DSCAML1: variants seen among roughly 807,000 people sequenced by gnomAD.
DSCAML1 encodes DS cell adhesion molecule like 1, also known as cell adhesion molecule DSCAML1.
DSCAML1 carries 38 observed loss-of-function variants against 200.5 expected under a neutral mutation model. The ratio of observed to expected loss-of-function variants is 0.19; its 90% CI spans 0.15 to 0.25. The LOEUF is 0.25. DSCAML1 is among the 10% of genes least tolerant of loss of function. The pLI is 1.00. For missense variants in DSCAML1, 2,223 were observed against 2,858.8 expected, an observed-to-expected ratio of 0.78 and a Z score of 5.07; for synonymous variants, 1,215 against 1,165.0, an observed-to-expected ratio of 1.04 and a Z score of -0.87.
chr11:117,520,791 A>ATGGTGC (rs2049871286), intron 6 of DSCAML1, among the ~76,000 whole-genome samples: 1 of 151,946 alleles, frequency 6.6e-6, no homozygotes, highest in Non-Finnish European at 1.5e-5. Flanking sequence ...AGCATGGTGC[A>ATGGTGC]AGATGGTCCC....
At chr11:117,700,976 C>T (rs1320688069) in intron 3 of DSCAML1, among the ~76,000 whole-genome samples, 1 of 152,132 alleles carries the variant, frequency 6.6e-6, no homozygotes, top group African/African-American at 2.4e-5. Flanking sequence ...TTAAATTAGG[C>T]AAAACTGGGC....
Position 117,443,963 on chromosome 11 carries a change from A to T in DSCAML1, c.3785T>A (p.Leu1262Gln). 2 of 1,613,786 alleles carry T rather than the reference A, an allele frequency of 1.2e-6. No homozygotes were observed. Among genetic ancestry groups the T allele is most frequent in the Middle Eastern group, 3.3e-4 (2 of 6,048 alleles). ...IAHLNRGQQYLLWVAAVTSAG... is the reference protein window; with the variant it reads ...IAHLNRGQQYQLWVAAVTSAG... ...AGAGGTGACGGCGGCCACCCACAGC[A>T]GATACTGCTGACCGCGGTTTAGGTG... is the stretch of plus-strand genomic sequence containing the variant. Residue 1262 changes from leucine to glutamine, a missense_variant, in exon 21 of 33, where the codon CTG (leucine) becomes CAG (glutamine). Transcript: ENST00000651296.
chr11:117,586,100 A>G (rs540322301), intron 3 of DSCAML1, among the ~76,000 whole-genome samples: 1 of 152,258 alleles, frequency 6.6e-6, no homozygotes, highest in South Asian at 2.1e-4. Context: ...CCCTGGACCA[A>G]TCCCTCCTTT....
intron 7 of DSCAML1, among the ~76,000 whole-genome samples, chr11:117,517,774 G>C (rs540604873): frequency 6.6e-6 from 1 of 152,160 alleles, no homozygotes; most frequent in Admixed American, 6.5e-5. Flanking sequence ...AGACCCCATC[G>C]GGCTACAAAG....
intron 19 of DSCAML1, among the ~76,000 whole-genome samples, chr11:117,454,397 C>T (rs1432349237): frequency 6.6e-6 from 1 of 152,216 alleles, no homozygotes; most frequent in African/African-American, 2.4e-5. Context: ...TGCCTATATT[C>T]CAATTCACAA....
At chr11:117,812,363 T>C (rs2055768513) in intron 1 of DSCAML1, among the ~76,000 whole-genome samples, 1 of 152,206 alleles carries the variant, frequency 6.6e-6, no homozygotes, top group Non-Finnish European at 1.5e-5. Context: ...TCCCCCATTT[T>C]ACCTGTCCTA....
intron 3 of DSCAML1, among the ~76,000 whole-genome samples, chr11:117,579,912 A>T: frequency 6.6e-6 from 1 of 152,324 alleles, no homozygotes; most frequent in Middle Eastern, 3.4e-3. Flanking sequence ...GTGGAGTCCA[A>T]AAGTGTGATT....
chr11:117,626,199 ACCCC>A lies in DSCAML1; in HGVS notation c.512-93681_512-93678del, dbSNP rs758854447. On this transcript the variant is annotated intron_variant, in intron 3 of 32. Transcript: ENST00000651296. ...TTTAGCACAGCCCACTCTTGCTGAG[ACCCC>A]CCCCCCTCCTTCTTCTGGCATGAGA... Among the ~76,000 whole-genome samples the A allele has an allele frequency of 6.2e-5, 8 of 129,748 alleles. 1 individual carries two copies. Among genetic ancestry groups the A allele is most frequent in the Non-Finnish European group, 1.3e-4 (8 of 60,592 alleles). 85.1% of individuals were successfully genotyped at this position (129,748 alleles called of 152,430 possible).
At chr11:117,770,301 G>A (rs372353983) in intron 3 of DSCAML1, among the ~76,000 whole-genome samples, 2 of 152,122 alleles carry the variant, frequency 1.3e-5, no homozygotes, top group African/African-American at 2.4e-5. Flanking sequence ...GAATTGCCTC[G>A]GATCTATCAT....
intron 3 of DSCAML1, among the ~76,000 whole-genome samples, chr11:117,657,004 A>C (rs2052748554): frequency 6.6e-6 from 1 of 152,220 alleles, no homozygotes; most frequent in Non-Finnish European, 1.5e-5. Context: ...GAGTTATATA[A>C]GGGGTCTTCA....
In DSCAML1 at chr11:117,761,855, A is replaced by G. The variant is rs560995716; in HGVS notation, c.511+14936T>C. On this transcript the variant is annotated intron_variant, in intron 3 of 32. Transcript: ENST00000651296. ...CCCTGCACTTCAGCCTGGGTGCTGG[A>G]GCCAGACCTTGTCTATAAAAGAGAA... Among the ~76,000 whole-genome samples, 16 of 152,326 alleles carry G rather than the reference A, an allele frequency of 1.1e-4. No homozygotes were observed. In the South Asian group the frequency reaches 3.1e-3, roughly 30 times the overall value.
At chr11:117,643,349 A>G (rs568895228) in intron 3 of DSCAML1, among the ~76,000 whole-genome samples, 10 of 152,268 alleles carry the variant, frequency 6.6e-5, no homozygotes, top group African/African-American at 2.2e-4. Flanking sequence ...TTGTGTGTGT[A>G]TGTGGGGAGG....
intron 3 of DSCAML1, among the ~76,000 whole-genome samples, chr11:117,567,817 C>A (rs1197624401): frequency 1.3e-5 from 2 of 152,052 alleles, no homozygotes; most frequent in African/African-American, 2.4e-5. Context: ...GGTACCATTC[C>A]TTCTGAAACT....
In DSCAML1 at chr11:117,733,103, A is replaced by C. The variant is rs2054253324; in HGVS notation, c.511+43688T>G. ...GGAGAGGAGGACAGAGAGGGCCCAG[A>C]GCTCGGGGCAGAGGCAGGGAGGAGC... is the stretch of plus-strand genomic sequence containing the variant. On this transcript the variant is annotated intron_variant, in intron 3 of 32. Coordinates refer to ENST00000651296, the MANE Select transcript of DSCAML1 (RefSeq NM_020693.4). 2.0e-5 allele frequency among the ~76,000 whole-genome samples: 3 copies of C among 151,528 alleles called. No individual in the cohort carries two copies. In the Admixed American group the frequency reaches 2.0e-4, roughly 10 times the overall value.
intron 3 of DSCAML1, among the ~76,000 whole-genome samples, chr11:117,696,245 G>A (rs1199735638): frequency 6.6e-6 from 1 of 152,214 alleles, no homozygotes; most frequent in Non-Finnish European, 1.5e-5. Flanking sequence ...AGAGACAGAG[G>A]GGGAAGTTGA....
chr11:117,566,907 CTCA>C (rs1301990214), intron 3 of DSCAML1, among the ~76,000 whole-genome samples: 6 of 151,642 alleles, frequency 4.0e-5, no homozygotes, highest in Non-Finnish European at 7.4e-5. Context: ...AGGACATGAA[CTCA>C]TCATTTTTTA....
chr11:117,450,002 G>A (rs1009708513), intron 20 of DSCAML1, among the ~76,000 whole-genome samples: 3 of 152,210 alleles, frequency 2.0e-5, no homozygotes, highest in African/African-American at 2.4e-5. Flanking sequence ...CCAGGGTTAG[G>A]GCAGATATCG....
intron 3 of DSCAML1, among the ~76,000 whole-genome samples, chr11:117,613,894 C>T (rs765297961): frequency 6.6e-5 from 10 of 152,072 alleles, no homozygotes; most frequent in Admixed American, 3.9e-4. Context: ...CCTCCCCTTG[C>T]CTAAATGTAG....
chr11:117,586,252 C>A (rs1174431086), intron 3 of DSCAML1, among the ~76,000 whole-genome samples: 3 of 151,700 alleles, frequency 2.0e-5, no homozygotes, highest in African/African-American at 7.3e-5. Flanking sequence ...TCTTAACCCC[C>A]TCCTCCAGCC....
Sources: allele counts gnomAD v4.1 joint callset (sites outside exome capture counted in the v4.1 genomes callset), GRCh38; gene constraint gnomAD v4.1.1; transcripts MANE v1.5; gene names NCBI Gene and HGNC (gene_info 2026-07-23, HGNC 2026-07-21).